LARGE1: variants seen among roughly 807,000 people sequenced by gnomAD.
LARGE1 encodes LARGE xylosyl- and glucuronyltransferase 1.
A neutral mutation model predicts 87.6 loss-of-function variants in LARGE1; 43 were observed. The ratio of observed to expected loss-of-function variants is 0.49; its 90% CI spans 0.38 to 0.63. The LOEUF is 0.63. Among genes scored for constraint, LARGE1 ranks in the 30% least tolerant of loss-of-function variants. LARGE1 has a pLI of 0.00. For missense variants in LARGE1, 802 were observed against 1,000.2 expected, an observed-to-expected ratio of 0.80 and a Z score of 2.67; for synonymous variants, 434 against 394.6, an observed-to-expected ratio of 1.10 and a Z score of -1.18.
At chr22:33,364,376 C>G (rs572833103) in intron 9 of LARGE1, among the ~76,000 whole-genome samples, 81 of 152,116 alleles carry the variant, frequency 5.3e-4, no homozygotes, top group African/African-American at 1.5e-3. Context: ...TCTTTTTCTC[C>G]GCTTCCTCCC....
intron 6 of LARGE1, among the ~76,000 whole-genome samples, chr22:33,492,767 C>T (rs2069910155): frequency 6.6e-6 from 1 of 152,238 alleles, no homozygotes; most frequent in Middle Eastern, 3.4e-3. Context: ...TGGTTGTGTG[C>T]TAACTGAAAA....
the LARGE1 span, among the ~76,000 whole-genome samples, chr22:33,129,178 T>C: frequency 1.3e-5 from 2 of 152,208 alleles, no homozygotes; most frequent in Admixed American, 1.3e-4. Flanking sequence ...ATTCCATTTA[T>C]GTAACCTAAG....
intron 11 of LARGE1, among the ~76,000 whole-genome samples, chr22:33,215,325 G>C (rs1925151910): frequency 6.6e-6 from 1 of 152,066 alleles, no homozygotes; most frequent in African/African-American, 2.4e-5. Flanking sequence ...TACTTTTAGG[G>C]GGAACCCAAA....
chr22:33,274,579 G>C lies in LARGE1; in HGVS notation c.2119C>G (p.Pro707Ala). The change falls in exon 15 of 15, where the codon CCT becomes GCT. Residue 707 changes from proline (P) to alanine (A), a missense_variant. This residue lies in a region of LARGE1 where 625 missense variants were observed against 841.9 expected (regional missense o/e 0.74). Coordinates refer to ENST00000397394, the MANE Select transcript of LARGE1 (RefSeq NM_133642.5). ...VLPNAYMIHM[P>A]HAPSFDITKF... ...GTAATGTCGAAGCTGGGGGCATGAG[G>C]CATGTGGATCATGTAGGCGTTGGGC... 6.2e-7 allele frequency: 1 copy of C among 1,614,172 alleles called. No individual in the cohort carries two copies. The highest frequency in any genetic ancestry group is 8.5e-7 in the Non-Finnish European group (1 of 1,180,018).
chr22:33,871,995 A>AAAAAAAAAAAAAAAAAAAAC (rs2064301445), intron 1 of LARGE1, among the ~76,000 whole-genome samples: 1 of 151,432 alleles, frequency 6.6e-6, no homozygotes, highest in Non-Finnish European at 1.5e-5. Flanking sequence ...AAAAAAAAAA[A>AAAAAAAAAAAAAAAAAAAAC]AAAGAAAAGA....
chr22:33,778,848 C>T (rs1052860611), intron 1 of LARGE1, among the ~76,000 whole-genome samples: 1 of 151,940 alleles, frequency 6.6e-6, no homozygotes, highest in Non-Finnish European at 1.5e-5. Context: ...ATAGGGTTTC[C>T]CCATGTTGGC....
intron 6 of LARGE1, among the ~76,000 whole-genome samples, chr22:33,454,476 G>A (rs577556400): frequency 5.5e-4 from 84 of 151,960 alleles, no homozygotes; most frequent in Non-Finnish European, 1.1e-3. Flanking sequence ...AAAATTAGTC[G>A]GGTGTGGTGG....
At chr22:33,089,347 T>C in the LARGE1 span, among the ~76,000 whole-genome samples, 3,338 of 82,378 alleles carry the variant, frequency 0.041, 63 homozygotes, top group East Asian at 0.088. Flanking sequence ...TTCTTCTTCT[T>C]CTTCTTCTTC....
At chr22:33,593,262 C>T (rs1219643279) in intron 5 of LARGE1, among the ~76,000 whole-genome samples, 2 of 152,010 alleles carry the variant, frequency 1.3e-5, no homozygotes, top group South Asian at 2.1e-4. Context: ...AGGTGGGTCT[C>T]GAACTCCTGG....
chr22:33,738,790 A>T (rs1047953085), intron 2 of LARGE1, among the ~76,000 whole-genome samples: 2 of 151,234 alleles, frequency 1.3e-5, no homozygotes, highest in Non-Finnish European at 2.9e-5. Flanking sequence ...GCTTGCAGTA[A>T]GCCAAGATCA....
chr22:33,544,644 T>C (rs1000634321), intron 6 of LARGE1, among the ~76,000 whole-genome samples: 8 of 152,142 alleles, frequency 5.3e-5, no homozygotes, highest in Admixed American at 3.9e-4. Flanking sequence ...ATCACACCGC[T>C]GCAGTCCAGC....
chr22:33,901,931 T>C (rs548243484), intron 1 of LARGE1, among the ~76,000 whole-genome samples: 25 of 152,280 alleles, frequency 1.6e-4, no homozygotes, highest in African/African-American at 6.0e-4. Flanking sequence ...TGCTACCTAC[T>C]CCCCACATCT....
intron 6 of LARGE1, among the ~76,000 whole-genome samples, chr22:33,508,394 C>T (rs2070867358): frequency 6.6e-6 from 1 of 152,196 alleles, no homozygotes; most frequent in African/African-American, 2.4e-5. Context: ...CATGGGTAAC[C>T]AGGTAAGAGG....
intron 7 of LARGE1, among the ~76,000 whole-genome samples, chr22:33,401,842 G>C (rs774232356): frequency 1.6e-4 from 25 of 152,228 alleles, no homozygotes; most frequent in Non-Finnish European, 3.5e-4. Context: ...CACCCAGTCT[G>C]TGGTATTTTG....
upstream of LARGE1, chr22:33,922,277 G>GGTGGGGGGTGGGGC (rs2065970432): frequency 6.7e-6 from 1 of 149,124 alleles, no homozygotes; most frequent in Non-Finnish European, 1.5e-5. Flanking sequence ...GGGCTGGGGG[G>GGTGGGGGGTGGGGC]GTGGGGCGGC....
intron 1 of LARGE1, among the ~76,000 whole-genome samples, chr22:33,774,349 T>G (rs1164784640): frequency 6.6e-6 from 1 of 152,172 alleles, no homozygotes; most frequent in Non-Finnish European, 1.5e-5. Flanking sequence ...GTTAATCTTT[T>G]TTTTTCTTTC....
intron 2 of LARGE1, among the ~76,000 whole-genome samples, chr22:33,654,776 G>T (rs1235179031): frequency 6.6e-6 from 1 of 152,204 alleles, no homozygotes; most frequent in Non-Finnish European, 1.5e-5. Flanking sequence ...TGCCCACACT[G>T]ATATTTCTCA....
intron 1 of LARGE1, among the ~76,000 whole-genome samples, chr22:33,764,173 A>G (rs1195314806): frequency 6.6e-6 from 1 of 151,574 alleles, no homozygotes; most frequent in Non-Finnish European, 1.5e-5. Flanking sequence ...ATCTCTCTCT[A>G]CTCCCACATT....
At chr22:33,512,455 AG>A (rs1428057144) in intron 6 of LARGE1, among the ~76,000 whole-genome samples, 1 of 152,078 alleles carries the variant, frequency 6.6e-6, no homozygotes, top group African/African-American at 2.4e-5. Context: ...TACATATAGG[AG>A]GAAAACAACA....
Sources: allele counts gnomAD v4.1 joint callset (sites outside exome capture counted in the v4.1 genomes callset), GRCh38; gene constraint gnomAD v4.1.1; regional missense constraint gnomAD v4.1.1; transcripts MANE v1.5; gene names NCBI Gene and HGNC (gene_info 2026-07-23, HGNC 2026-07-21).